The following PATJ variants were observed in gnomAD, a reference collection of about 807,000 sequenced individuals.
The protein encoded by PATJ is PATJ crumbs cell polarity complex component, also known as inaD-like protein.
Under a neutral mutation model 224.9 loss-of-function variants are expected in PATJ, and 190 were observed. The ratio of observed to expected loss-of-function variants is 0.84; its 90% CI spans 0.75 to 0.95. The LOEUF (loss-of-function observed/expected upper bound fraction) is 0.95. Among genes scored for constraint, PATJ ranks in the 40% least tolerant of loss-of-function variants. PATJ has a pLI of 0.00. For missense variants in PATJ, 2,121 were observed against 2,270.3 expected, an observed-to-expected ratio of 0.93 and a Z score of 1.34; for synonymous variants, 769 against 820.3, an observed-to-expected ratio of 0.94 and a Z score of 1.07.
At chr1:61,937,139 T>G (rs1362545856) in intron 27 of PATJ, among the ~76,000 whole-genome samples, 1 of 152,122 alleles carries the variant, frequency 6.6e-6, no homozygotes, top group African/African-American at 2.4e-5. Context: ...CACACACATA[T>G]ACACACAACA....
At chr1:62,153,290 C>T (rs1668818686) in intron 42 of PATJ, 68 bp from the exon 43 acceptor site, 3 of 1,148,448 alleles carry the variant, frequency 2.6e-6, no homozygotes, top group East Asian at 6.4e-5. Flanking sequence ...AATCTGTATT[C>T]TTCCAATTAA....
intron 29 of PATJ, among the ~76,000 whole-genome samples, chr1:62,020,301 A>T (rs991221632): frequency 3.9e-5 from 6 of 152,220 alleles, no homozygotes; most frequent in Admixed American, 3.9e-4. Context: ...ATGTAAATGT[A>T]CATTTAGTAC....
At chr1:62,147,305 G>A (rs374291906) in intron 41 of PATJ, among the ~76,000 whole-genome samples, 1 of 60,532 alleles carries the variant, frequency 1.7e-5, no homozygotes, top group African/African-American at 1.3e-4. Flanking sequence ...ATGGCCAGAA[G>A]TGTGGAAAAT....
intron 27 of PATJ, chr1:61,952,067 C>T (rs1052449232): frequency 3.1e-6 from 1 of 317,896 alleles, no homozygotes. Flanking sequence ...CAGTCAGCAG[C>T]GTGAAGCATC....
At chr1:61,825,222 A>T (rs1658027901) in intron 15 of PATJ, among the ~76,000 whole-genome samples, 1 of 152,224 alleles carries the variant, frequency 6.6e-6, no homozygotes, top group Non-Finnish European at 1.5e-5. Flanking sequence ...AGGCATTTTA[A>T]CAGGCTATAT....
chr1:62,076,624 A>G (rs978515091), intron 31 of PATJ, among the ~76,000 whole-genome samples: 1 of 152,344 alleles, frequency 6.6e-6, no homozygotes, highest in Non-Finnish European at 1.5e-5. Context: ...ATTGAATTCA[A>G]TTCCACCAGT....
chr1:61,949,969 G>A (rs1483870610), intron 27 of PATJ, among the ~76,000 whole-genome samples: 2 of 152,090 alleles, frequency 1.3e-5, no homozygotes, highest in Non-Finnish European at 2.9e-5. Flanking sequence ...GGAGGCCAAG[G>A]CAGGCGGATT....
In PATJ at chr1:61,960,277, C is replaced by T. The variant is rs189628621; in HGVS notation, c.3671-29891C>T. On this transcript the variant is annotated intron_variant, in intron 27 of 43. Coordinates refer to ENST00000642238, the MANE Select transcript of PATJ (RefSeq NM_001350145.3). ...TTGGATTATTTAGAGGACTAAGTGACATAATACATATGAAATGCAGAACAT... is the reference window on the plus strand; with the variant it reads ...TTGGATTATTTAGAGGACTAAGTGATATAATACATATGAAATGCAGAACAT... Among the ~76,000 whole-genome samples the T allele has an allele frequency of 1.3e-4, 20 of 152,276 alleles. No individual in the cohort carries two copies. The East Asian group carries it at 3.9e-3, about 29-fold the overall frequency.
intron 3 of PATJ, among the ~76,000 whole-genome samples, chr1:61,765,795 C>T (rs1646238720): frequency 6.6e-6 from 1 of 152,108 alleles, no homozygotes; most frequent in African/African-American, 2.4e-5. Flanking sequence ...AATGATATCT[C>T]ATTAGATTGT....
At chr1:61,892,899 T>C (rs1214975738) in intron 22 of PATJ, among the ~76,000 whole-genome samples, 1 of 152,196 alleles carries the variant, frequency 6.6e-6, no homozygotes, top group African/African-American at 2.4e-5. Flanking sequence ...GAAAGTTCTG[T>C]TATTTTAAGA....
intron 27 of PATJ, among the ~76,000 whole-genome samples, chr1:61,935,808 C>T (rs548238422): frequency 2.8e-4 from 43 of 152,002 alleles, no homozygotes; most frequent in Admixed American, 1.2e-3. Flanking sequence ...AAAAATTAAC[C>T]TGTGTACTGC....
At chr1:61,867,264 C>G (rs1296130401) in intron 20 of PATJ, among the ~76,000 whole-genome samples, 1 of 152,136 alleles carries the variant, frequency 6.6e-6, no homozygotes, top group Non-Finnish European at 1.5e-5. Flanking sequence ...TTAAAGTGTT[C>G]TTCAAGAGGC....
At chr1:61,943,403 G>A (rs1321975323) in intron 27 of PATJ, among the ~76,000 whole-genome samples, 4 of 152,178 alleles carry the variant, frequency 2.6e-5, no homozygotes, top group Non-Finnish European at 4.4e-5. Context: ...CTAATACTGC[G>A]CTTTTCCAAC....
intron 3 of PATJ, among the ~76,000 whole-genome samples, chr1:61,765,867 C>T (rs1485719950): frequency 6.6e-6 from 1 of 152,140 alleles, no homozygotes; most frequent in African/African-American, 2.4e-5. Flanking sequence ...ATAGCAAGCA[C>T]TCAATAAGTA....
chr1:61,752,861 ATAG>A, intron 1 of PATJ, among the ~76,000 whole-genome samples: 1 of 152,312 alleles, frequency 6.6e-6, no homozygotes, highest in East Asian at 1.9e-4. Flanking sequence ...GGTCCAAAAT[ATAG>A]TATTTTTATA....
chr1:61,751,392 T>C (rs141016237), intron 1 of PATJ, among the ~76,000 whole-genome samples: 14 of 152,260 alleles, frequency 9.2e-5, no homozygotes, highest in Non-Finnish European at 1.0e-4. Context: ...TGGAAACTAA[T>C]CATTAGTGAA....
chr1:62,150,097 GA>G (rs1372474664), intron 42 of PATJ, among the ~76,000 whole-genome samples: 1 of 152,172 alleles, frequency 6.6e-6, no homozygotes, highest in African/African-American at 2.4e-5. Flanking sequence ...TTTGAAAGAA[GA>G]AACATGAATC....
At chr1:62,030,533 A>G (rs1200199032) in intron 29 of PATJ, among the ~76,000 whole-genome samples, 2 of 151,488 alleles carry the variant, frequency 1.3e-5, no homozygotes, top group Admixed American at 6.6e-5. Flanking sequence ...TAATTGGGGT[A>G]TAATTTATAC....
rs558975401 is a variant in PATJ, at chr1:62,079,497, C to T, written c.4173C>T (p.Phe1391=). ...KQQKYPTKVS[F]SSQEIPLAPA... is the part of the protein sequence containing the mutation. ...AAAAATATCCAACAAAAGTCTCCTTCAGTTCACAAGAGATACCATTAGCAC... is the reference window on the plus strand; with the variant it reads ...AAAAATATCCAACAAAAGTCTCCTTTAGTTCACAAGAGATACCATTAGCAC... The change falls in exon 32 of 44, where the codon TTC becomes TTT. Residue 1391 remains phenylalanine, a synonymous_variant. Coordinates refer to ENST00000642238, the MANE Select transcript of PATJ (RefSeq NM_001350145.3). 2 of 1,613,988 alleles carry T rather than the reference C, an allele frequency of 1.2e-6. No homozygotes were observed. The highest frequency in any genetic ancestry group is 1.7e-5 in the Admixed American group (1 of 60,014).
Sources: gnomAD v4.1 joint callset for allele counts (sites outside exome capture counted in the v4.1 genomes callset) on GRCh38, gnomAD v4.1.1 for gene constraint, MANE v1.5 for transcripts, NCBI Gene and HGNC (gene_info 2026-07-23, HGNC 2026-07-21) for gene names.